Variants in XRCC4 observed in about 807,000 individuals in gnomAD.
XRCC4 encodes DNA repair protein XRCC4.
A neutral mutation model predicts 39.1 loss-of-function variants in XRCC4; 28 were observed. The ratio of observed to expected loss-of-function variants is 0.72; its 90% CI spans 0.53 to 0.98. XRCC4 has a LOEUF of 0.98. Ranked by LOEUF, XRCC4 falls within the 50% of genes least tolerant of loss-of-function variation. The probability of loss-of-function intolerance (pLI) is 0.00; values close to 1 mark genes in which losing one functional copy is unlikely to be tolerated. For missense variants in XRCC4, 350 were observed against 376.4 expected (o/e 0.93, Z 0.58); for synonymous variants, 123 against 126.4 (o/e 0.97, Z 0.18).
At chr5:83,169,446 A>G (rs1561377945) in intron 3 of XRCC4, among the ~76,000 whole-genome samples, 1 of 152,146 alleles carries the variant, frequency 6.6e-6, no homozygotes, top group Non-Finnish European at 1.5e-5. Context: ...AATCTAAAGC[A>G]TTTTTTTGTT....
At chr5:83,174,724 A>G (rs1749875144) in intron 3 of XRCC4, among the ~76,000 whole-genome samples, 2 of 152,200 alleles carry the variant, frequency 1.3e-5, no homozygotes, top group South Asian at 4.1e-4. Flanking sequence ...AACATGACTT[A>G]TTTACATAGT....
At chr5:83,218,079 T>TA (rs1580384240) in intron 6 of XRCC4, among the ~76,000 whole-genome samples, 3 of 150,638 alleles carry the variant, frequency 2.0e-5, no homozygotes, top group East Asian at 3.9e-4. Flanking sequence ...TATATATATA[T>TA]TTATTAGATT....
intron 6 of XRCC4, among the ~76,000 whole-genome samples, chr5:83,223,953 C>T (rs1394567947): frequency 6.6e-6 from 1 of 151,048 alleles, no homozygotes; most frequent in Non-Finnish European, 1.5e-5. Flanking sequence ...ATGAACTCAT[C>T]CTTTTTTATG....
chr5:83,325,332 A>G (rs745418629), intron 7 of XRCC4, among the ~76,000 whole-genome samples: 11 of 152,046 alleles, frequency 7.2e-5, no homozygotes, highest in Non-Finnish European at 1.2e-4. Flanking sequence ...GTTCAGGGGT[A>G]CATGTGCAGG....
intron 6 of XRCC4, among the ~76,000 whole-genome samples, chr5:83,214,377 A>G (rs1281316642): frequency 6.6e-6 from 1 of 152,218 alleles, no homozygotes; most frequent in Non-Finnish European, 1.5e-5. Flanking sequence ...ATCAATATAC[A>G]GTAATCAGTT....
At chr5:83,284,806 C>T (rs1754677503) in intron 7 of XRCC4, among the ~76,000 whole-genome samples, 1 of 151,978 alleles carries the variant, frequency 6.6e-6, no homozygotes, top group Non-Finnish European at 1.5e-5. Context: ...TATTGTGACA[C>T]CTCTTAAAGT....
intron 7 of XRCC4, among the ~76,000 whole-genome samples, chr5:83,336,315 C>T (rs868289588): frequency 5.9e-5 from 9 of 152,158 alleles, no homozygotes; most frequent in Middle Eastern, 3.4e-3. Context: ...GTTGTCTTTT[C>T]GGGCTGCATG....
intron 7 of XRCC4, among the ~76,000 whole-genome samples, chr5:83,292,988 AC>A (rs1161206515): frequency 6.6e-6 from 1 of 151,988 alleles, no homozygotes; most frequent in East Asian, 1.9e-4. Context: ...ATTGTCATAA[AC>A]AATAGAAATA....
At position 83,337,903 on chromosome 5, in the gene XRCC4, A is replaced by G. The variant is rs533962954; in HGVS notation, c.894-15228A>G. On this transcript the variant is annotated intron_variant, in intron 7 of 7. Coordinates refer to ENST00000396027, the MANE Select transcript of XRCC4 (RefSeq NM_003401.5). ...GACATATCAACTTGGCAAGATGATG[A>G]CCTTCTCTCCCGGAAGAGTCGTGGA... Among the ~76,000 whole-genome samples, 3 of 152,272 alleles carry G rather than the reference A, an allele frequency of 2.0e-5. No homozygotes were observed. In the East Asian group the frequency reaches 5.8e-4, roughly 29 times the overall value.
intron 4 of XRCC4, 33 bp from the exon 5 acceptor site, chr5:83,203,519 A>G: frequency 6.4e-7 from 1 of 1,552,930 alleles, no homozygotes; most frequent in Non-Finnish European, 8.7e-7. Context: ...GCAGAACTGC[A>G]TGACTAATTT....
the XRCC4 span, among the ~76,000 whole-genome samples, chr5:83,373,200 T>A: frequency 1.3e-4 from 20 of 152,166 alleles, no homozygotes; most frequent in African/African-American, 4.8e-4. Flanking sequence ...TTCTAATCCG[T>A]CTGCCCTTCT....
intron 3 of XRCC4, among the ~76,000 whole-genome samples, chr5:83,143,630 G>A (rs1383105060): frequency 6.6e-6 from 1 of 152,022 alleles, no homozygotes; most frequent in Admixed American, 6.5e-5. Context: ...AGGCTGGCTG[G>A]CAACAAATTC....
chr5:83,219,975 T>C (rs929249543), intron 6 of XRCC4, among the ~76,000 whole-genome samples: 1 of 152,118 alleles, frequency 6.6e-6, no homozygotes, highest in African/African-American at 2.4e-5. Flanking sequence ...CTAGAATAGA[T>C]TTATATTACT....
chr5:83,081,869 A>G (rs1398859163), intron 1 of XRCC4, among the ~76,000 whole-genome samples: 4 of 152,112 alleles, frequency 2.6e-5, no homozygotes, highest in African/African-American at 4.8e-5. Context: ...TATTTAAAAG[A>G]TATCTTGAAC....
intron 1 of XRCC4, among the ~76,000 whole-genome samples, chr5:83,089,110 C>T (rs1186306526): frequency 6.6e-6 from 1 of 152,184 alleles, no homozygotes; most frequent in African/African-American, 2.4e-5. Context: ...CAGACACTAC[C>T]CTTGTAGAAG....
chr5:83,123,252 C>T (rs1268090168), intron 3 of XRCC4, among the ~76,000 whole-genome samples: 9 of 152,014 alleles, frequency 5.9e-5, no homozygotes, highest in Admixed American at 5.9e-4. Context: ...TTGACATGCT[C>T]TCTTGATGAG....
intron 7 of XRCC4, among the ~76,000 whole-genome samples, chr5:83,331,292 A>C (rs1216505859): frequency 6.6e-6 from 1 of 152,168 alleles, no homozygotes; most frequent in Non-Finnish European, 1.5e-5. Context: ...ACAACTTTAT[A>C]AACACAGACT....
At chr5:83,186,802 G>A (rs142417441) in intron 3 of XRCC4, among the ~76,000 whole-genome samples, 130 of 152,250 alleles carry the variant, frequency 8.5e-4, no homozygotes, top group African/African-American at 3.1e-3. Context: ...TGGCATAAAA[G>A]TTCAATATAG....
chr5:83,314,149 T>C (rs1367023688), intron 7 of XRCC4, among the ~76,000 whole-genome samples: 1 of 152,138 alleles, frequency 6.6e-6, no homozygotes, highest in Non-Finnish European at 1.5e-5. Context: ...TATATATTCC[T>C]TGTAAAGCAA....
Sources: allele counts gnomAD v4.1 joint callset (sites outside exome capture counted in the v4.1 genomes callset), GRCh38; gene constraint gnomAD v4.1.1; transcripts MANE v1.5; gene names NCBI Gene and HGNC (gene_info 2026-07-23, HGNC 2026-07-21).